Variants in FIP1L1 observed in about 807,000 individuals in gnomAD.
The protein encoded by FIP1L1 is factor interacting with PAPOLA and CPSF1.
FIP1L1 carries 21 observed loss-of-function variants against 84.6 expected under a neutral mutation model. The ratio of observed to expected loss-of-function variants is 0.25; its 90% CI spans 0.18 to 0.36. The LOEUF is 0.36. Ranked by LOEUF, FIP1L1 falls within the 10% of genes least tolerant of loss-of-function variation. The pLI is 1.00. For missense variants in FIP1L1, 526 were observed against 751.1 expected (o/e 0.70, Z 3.50); for synonymous variants, 263 against 242.3 (o/e 1.09, Z -0.80).
chr4:53,445,637 A>G (rs1424225160), intron 15 of FIP1L1, among the ~76,000 whole-genome samples: 2 of 152,134 alleles, frequency 1.3e-5, no homozygotes, highest in Non-Finnish European at 2.9e-5. Flanking sequence ...AATATATACT[A>G]TATAAAGGCT....
At chr4:53,390,159 T>G (rs1225488608) in intron 6 of FIP1L1, among the ~76,000 whole-genome samples, 1 of 152,136 alleles carries the variant, frequency 6.6e-6, no homozygotes, top group Non-Finnish European at 1.5e-5. Flanking sequence ...AGGCTGCTCT[T>G]GAACTTTCGA....
At chr4:53,423,563 A>G (rs1285822035) in intron 11 of FIP1L1, among the ~76,000 whole-genome samples, 1 of 152,186 alleles carries the variant, frequency 6.6e-6, no homozygotes, top group Non-Finnish European at 1.5e-5. Flanking sequence ...GTTAGATATT[A>G]TGTGCTTTTT....
chr4:53,444,115 T>G lies in FIP1L1; in HGVS notation c.1285+12T>G. ...TCCATATGGCAATGGTAAGTAGTAT[T>G]ATTTAGATGCCTAGATTCAGTTTGA... On this transcript the variant is annotated intron_variant, in intron 15 of 17. Coordinates refer to ENST00000337488, the MANE Select transcript of FIP1L1 (RefSeq NM_030917.4). 1 of 1,515,418 alleles carries G rather than the reference T, an allele frequency of 6.6e-7. No homozygotes were observed. Among genetic ancestry groups the G allele is most frequent in the Non-Finnish European group, 9.2e-7 (1 of 1,089,622 alleles). The allele number at this position is 1,515,418 out of a possible 1,614,324, so 93.9% of individuals were successfully genotyped here.
At chr4:53,415,517 A>AT in intron 11 of FIP1L1, among the ~76,000 whole-genome samples, 1 of 104,636 alleles carries the variant, frequency 9.6e-6, no homozygotes, top group African/African-American at 2.8e-5. Flanking sequence ...ACAAGGGGTA[A>AT]TTTTGTTTTT....
chr4:53,438,244 A>G (rs1466980928), intron 13 of FIP1L1, among the ~76,000 whole-genome samples: 1 of 152,170 alleles, frequency 6.6e-6, no homozygotes, highest in Non-Finnish European at 1.5e-5. Context: ...GTTAGGCAGC[A>G]TGTGTTTGCC....
At chr4:53,406,686 A>C (rs1245797158) in intron 10 of FIP1L1, among the ~76,000 whole-genome samples, 2 of 152,086 alleles carry the variant, frequency 1.3e-5, no homozygotes, top group African/African-American at 4.8e-5. Context: ...ACAATTTCAG[A>C]GCCTATTATT....
Position 53,380,479 on chromosome 4 carries a change from G to T in FIP1L1, c.170+1215G>T, listed in dbSNP as rs149149652. On this transcript the variant is annotated intron_variant, in intron 3 of 17. Coordinates refer to ENST00000337488, the MANE Select transcript of FIP1L1 (RefSeq NM_030917.4). The stretch of plus-strand genomic sequence containing the variant: ...ATACATTCTGGAATTAGATAGTTGT[G>T]ATGGTTGGACTATGTGACCATATTA... Among the ~76,000 whole-genome samples, 26 of 152,288 alleles carry T rather than the reference G, an allele frequency of 1.7e-4. No homozygotes were observed. In the East Asian group the frequency reaches 5.0e-3, roughly 29 times the overall value.
At chr4:53,424,347 G>T (rs1379442056) in intron 11 of FIP1L1, among the ~76,000 whole-genome samples, 3 of 151,962 alleles carry the variant, frequency 2.0e-5, no homozygotes, top group Non-Finnish European at 4.4e-5. Context: ...GGGAAGAAAT[G>T]GAAGCAATAT....
chr4:53,392,763 G>A (rs944969558), intron 9 of FIP1L1, among the ~76,000 whole-genome samples: 5 of 152,152 alleles, frequency 3.3e-5, no homozygotes, highest in African/African-American at 7.2e-5. Context: ...GAAGGTAGCC[G>A]TTATGAATGT....
intron 11 of FIP1L1, among the ~76,000 whole-genome samples, chr4:53,415,638 T>G (rs1759182224): frequency 6.6e-6 from 1 of 151,934 alleles, no homozygotes; most frequent in African/African-American, 2.4e-5. Context: ...AAAATACAAA[T>G]GTAAATTATG....
At chr4:53,395,196 T>A (rs1746578954) in intron 9 of FIP1L1, among the ~76,000 whole-genome samples, 2 of 152,190 alleles carry the variant, frequency 1.3e-5, no homozygotes, top group Admixed American at 1.3e-4. Flanking sequence ...AACAAATGGA[T>A]AATCAAGTTG....
rs185803364 is a variant in FIP1L1 at position 53,406,825 on chromosome 4, A to T, written c.815+6986A>T. On this transcript the variant is annotated intron_variant, in intron 10 of 17. Coordinates refer to ENST00000337488, the MANE Select transcript of FIP1L1 (RefSeq NM_030917.4). Reference sequence around the variant, plus strand: ...AGTGTTTGTAGTATTCTCTCATGGTAATTTGTATTTCTGTGGGATCGGTGG... The same window carrying T: ...AGTGTTTGTAGTATTCTCTCATGGTTATTTGTATTTCTGTGGGATCGGTGG... Among the ~76,000 whole-genome samples the T allele has an allele frequency of 2.0e-5, 3 of 152,266 alleles. No homozygotes were observed. In the East Asian group the frequency reaches 5.8e-4, roughly 29 times the overall value.
intron 3 of FIP1L1, 52 bp downstream of exon 3, chr4:53,379,316 G>A (rs949799670): frequency 1.1e-5 from 16 of 1,409,188 alleles, no homozygotes; most frequent in African/African-American, 2.9e-5. Context: ...TGAAACAATG[G>A]TTCTGTCAGT....
chr4:53,409,437 G>T (rs1017681288), intron 10 of FIP1L1, among the ~76,000 whole-genome samples: 19 of 152,152 alleles, frequency 1.2e-4, no homozygotes, highest in Non-Finnish European at 2.4e-4. Flanking sequence ...GACTGCTCGG[G>T]GGTCAAGGGT....
chr4:53,424,269 C>T (rs1763495643), intron 11 of FIP1L1, among the ~76,000 whole-genome samples: 1 of 152,058 alleles, frequency 6.6e-6, no homozygotes, highest in African/African-American at 2.4e-5. Context: ...GTTTGTATAT[C>T]AGAGGGCTGA....
chr4:53,391,560 C>A, intron 9 of FIP1L1, 62 bp downstream of exon 9: 4 of 1,177,290 alleles, frequency 3.4e-6, no homozygotes, highest in Non-Finnish European at 3.8e-6. Context: ...TGCTCCCATG[C>A]CACTACTCAA....
Position 53,383,868 on chromosome 4 carries a change from A to G in FIP1L1, c.324A>G (p.Pro108=), listed in dbSNP as rs763667303. Residue 108 remains proline (P), a synonymous_variant, in exon 5 of 18, where the codon CCA becomes CCG. Coordinates refer to ENST00000337488, the MANE Select transcript of FIP1L1 (RefSeq NM_030917.4). ...TAGGAGACATTAAAACGGGAGCACC[A>G]CAGTATGGGTAAGTTATTTTTTAGT... ...VTIGDIKTGA[P]QYGSYGTAPV... The G allele has an allele frequency of 2.0e-5, 33 of 1,611,878 alleles. No homozygotes were observed. Among genetic ancestry groups the G allele is most frequent in the Middle Eastern group, 3.3e-4 (2 of 6,052 alleles).
Position 53,420,213 on chromosome 4 carries a change from A to AAAAAAAAAC in FIP1L1, c.923+5499_923+5500insCAAAAAAAA, listed in dbSNP as rs1553918269. 7.9e-4 allele frequency among the ~76,000 whole-genome samples: 106 copies of AAAAAAAAAC among 133,822 alleles called. 5 individuals carry two copies. The highest frequency in any genetic ancestry group is 2.7e-3 in the African/African-American group (83 of 31,002). 87.8% of individuals were successfully genotyped at this position (133,822 alleles called of 152,430 possible). A position where few individuals can be genotyped will look rare whatever the true frequency, so the allele number is the denominator to read the frequency against. On this transcript the variant is annotated intron_variant, in intron 11 of 17. Coordinates refer to ENST00000337488, the MANE Select transcript of FIP1L1 (RefSeq NM_030917.4). Reference sequence around the variant, plus strand: ...ACTCCGTCTCAAAAAAAAAAAAAAAAAAAAAAAAAAAACCAGCCTGACCAA... The same window carrying AAAAAAAAAC: ...ACTCCGTCTCAAAAAAAAAAAAAAAAAAAAAAAACAAAAAAAAAAAACCAGCCTGACCAA...
intron 16 of FIP1L1, among the ~76,000 whole-genome samples, chr4:53,456,662 G>T (rs1719197328): frequency 6.6e-6 from 1 of 152,148 alleles, no homozygotes; most frequent in Non-Finnish European, 1.5e-5. Context: ...GGGCCAGAAA[G>T]AAGGCTGGTC....
Sources: gnomAD v4.1 joint callset for allele counts (sites outside exome capture counted in the v4.1 genomes callset) on GRCh38, gnomAD v4.1.1 for gene constraint, MANE v1.5 for transcripts, NCBI Gene and HGNC (gene_info 2026-07-23, HGNC 2026-07-21) for gene names.